The following PPFIA2 variants were observed in gnomAD, a reference collection of about 807,000 sequenced individuals.
The protein encoded by PPFIA2 is liprin-alpha-2.
In PPFIA2, 46 loss-of-function variants were observed where a neutral mutation model predicts 175.5. The ratio of observed to expected loss-of-function variants is 0.26; its 90% confidence interval spans 0.21 to 0.34. PPFIA2 has a LOEUF of 0.34. Ranked by LOEUF, PPFIA2 falls within the 10% of genes least tolerant of loss-of-function variation. PPFIA2 has a pLI of 1.00. For synonymous variants in PPFIA2, 568 were observed against 511.4 expected, an observed-to-expected ratio of 1.11 and a Z score of -1.49; for missense variants, 1,179 against 1,506.1, an observed-to-expected ratio of 0.78 and a Z score of 3.60.
rs573645892 is a variant in PPFIA2 at position 81,711,363 on chromosome 12, C to T, written c.250-34519G>A. 9.2e-5 allele frequency among the ~76,000 whole-genome samples: 14 copies of T among 151,562 alleles called. 1 individual carries two copies. The East Asian group carries it at 2.0e-3, about 22-fold the overall frequency. On this transcript the variant is annotated intron_variant, in intron 3 of 32. Transcript: ENST00000549396. ...ACACACACATACACATAGAAACACA[C>T]ACATCCACCGTTTAACCCACAGAAA...
At chr12:81,506,394 C>T (rs573088903) in intron 4 of PPFIA2, among the ~76,000 whole-genome samples, 1 of 152,270 alleles carries the variant, frequency 6.6e-6, no homozygotes, top group African/African-American at 2.4e-5. Flanking sequence ...TTATACATAA[C>T]TCTAACTTAA....
chr12:81,611,628 G>A (rs1462564226), intron 4 of PPFIA2, among the ~76,000 whole-genome samples: 1 of 152,136 alleles, frequency 6.6e-6, no homozygotes, highest in Non-Finnish European at 1.5e-5. Context: ...AGGGTTTGCA[G>A]AACAGATGTG....
chr12:81,346,747 T>G (rs1427450733), intron 18 of PPFIA2, among the ~76,000 whole-genome samples: 2 of 151,736 alleles, frequency 1.3e-5, no homozygotes, highest in African/African-American at 4.8e-5. Context: ...TGCAAGAAAT[T>G]TATGTTATAT....
chr12:81,328,253 T>A (rs887897490), intron 21 of PPFIA2, among the ~76,000 whole-genome samples: 1 of 152,192 alleles, frequency 6.6e-6, no homozygotes, highest in African/African-American at 2.4e-5. Context: ...GTCTCATTCT[T>A]GTCTAGGCAT....
At chr12:81,586,895 G>C (rs2075374886) in intron 4 of PPFIA2, among the ~76,000 whole-genome samples, 1 of 151,924 alleles carries the variant, frequency 6.6e-6, no homozygotes, top group African/African-American at 2.4e-5. Flanking sequence ...TATTTAAAAA[G>C]TACCTTCATC....
chr12:81,596,818 A>T (rs1247214333), intron 4 of PPFIA2, among the ~76,000 whole-genome samples: 1 of 152,102 alleles, frequency 6.6e-6, no homozygotes, highest in Non-Finnish European at 1.5e-5. Flanking sequence ...GTAGGAAGAG[A>T]ATATATTTTG....
chr12:81,300,544 T>A (rs1292250051), intron 22 of PPFIA2, among the ~76,000 whole-genome samples: 1 of 152,080 alleles, frequency 6.6e-6, no homozygotes, highest in Non-Finnish European at 1.5e-5. Flanking sequence ...TTAAAAAAGG[T>A]GCAAAATACA....
chr12:81,659,161 T>A (rs1255157071), intron 4 of PPFIA2, among the ~76,000 whole-genome samples: 1 of 152,182 alleles, frequency 6.6e-6, no homozygotes, highest in Non-Finnish European at 1.5e-5. Context: ...GGATGATTTC[T>A]GCATTTCCAA....
At chr12:81,744,607 G>T (rs2082798031) in intron 3 of PPFIA2, among the ~76,000 whole-genome samples, 1 of 151,970 alleles carries the variant, frequency 6.6e-6, no homozygotes, top group Non-Finnish European at 1.5e-5. Context: ...TGTATTTTCA[G>T]TAGAGACGTG....
chr12:81,323,968 T>C (rs2054215929), intron 22 of PPFIA2, among the ~76,000 whole-genome samples: 1 of 152,054 alleles, frequency 6.6e-6, no homozygotes, highest in African/African-American at 2.4e-5. Context: ...CTAAATACCA[T>C]TAATCCATGG....
At chr12:81,424,496 A>G (rs2046812940) in intron 7 of PPFIA2, among the ~76,000 whole-genome samples, 1 of 152,148 alleles carries the variant, frequency 6.6e-6, no homozygotes, top group Admixed American at 6.5e-5. Context: ...ATACATTTTT[A>G]TATTACTTTA....
chr12:81,344,273 T>C (rs999886192), intron 19 of PPFIA2, among the ~76,000 whole-genome samples: 4 of 151,756 alleles, frequency 2.6e-5, no homozygotes, highest in Non-Finnish European at 5.9e-5. Flanking sequence ...CAATCTGTTG[T>C]CCTCACCCTA....
intron 7 of PPFIA2, among the ~76,000 whole-genome samples, chr12:81,416,266 A>T (rs1015198104): frequency 6.6e-6 from 1 of 151,666 alleles, no homozygotes; most frequent in African/African-American, 2.4e-5. Flanking sequence ...AGGAAAACAC[A>T]TTCTTAACCA....
chr12:81,364,271 T>A (rs2141286387), intron 14 of PPFIA2, among the ~76,000 whole-genome samples: 1 of 152,028 alleles, frequency 6.6e-6, no homozygotes, highest in African/African-American at 2.4e-5. Flanking sequence ...AAAAGTATGA[T>A]TGCAGAACTC....
intron 1 of PPFIA2, among the ~76,000 whole-genome samples, chr12:81,758,923 G>A (rs1282130739): frequency 2.6e-5 from 4 of 152,198 alleles, no homozygotes; most frequent in East Asian, 3.9e-4. Flanking sequence ...TTGGAGAAAA[G>A]GCGTGAGAAG....
chr12:81,475,049 CTT>C (rs1201468246), intron 4 of PPFIA2, among the ~76,000 whole-genome samples: 1 of 152,172 alleles, frequency 6.6e-6, no homozygotes, highest in Non-Finnish European at 1.5e-5. Flanking sequence ...TCATACTACT[CTT>C]TCTTTGATTT....
At chr12:81,393,666 T>C (rs951748094) in intron 8 of PPFIA2, among the ~76,000 whole-genome samples, 2 of 152,044 alleles carry the variant, frequency 1.3e-5, no homozygotes, top group Non-Finnish European at 2.9e-5. Flanking sequence ...AGACTGACAA[T>C]TGACTAGATC....
intron 8 of PPFIA2, among the ~76,000 whole-genome samples, chr12:81,399,957 G>A (rs1292316532): frequency 6.6e-6 from 1 of 152,074 alleles, no homozygotes; most frequent in Admixed American, 6.6e-5. Context: ...TGAAAGAATG[G>A]TTGTTGGCCG....
At chr12:81,543,657 T>C (rs1428185333) in intron 4 of PPFIA2, among the ~76,000 whole-genome samples, 1 of 152,078 alleles carries the variant, frequency 6.6e-6, no homozygotes, top group African/African-American at 2.4e-5. Flanking sequence ...CAAATGGAAG[T>C]GGAATGAGTT....
Sources: gnomAD v4.1 joint callset for allele counts (sites outside exome capture counted in the v4.1 genomes callset) on GRCh38, gnomAD v4.1.1 for gene constraint, MANE v1.5 for transcripts, NCBI Gene and HGNC (gene_info 2026-07-23, HGNC 2026-07-21) for gene names.